Variants in RAI14 observed in about 807,000 individuals in gnomAD.
RAI14 encodes the protein retinoic acid induced 14.
RAI14 carries 45 observed loss-of-function variants against 115.4 expected under a neutral mutation model. The ratio of observed to expected loss-of-function variants is 0.39; its 90% confidence interval spans 0.31 to 0.50. The LOEUF is 0.50. Ranked by LOEUF, RAI14 falls within the 20% of genes least tolerant of loss-of-function variation. The pLI, the probability that RAI14 is intolerant of heterozygous loss-of-function variation, is 0.85. For missense variants in RAI14, 939 were observed against 1,131.2 expected, an observed-to-expected ratio of 0.83 and a Z score of 2.44; for synonymous variants, 371 against 415.4, an observed-to-expected ratio of 0.89 and a Z score of 1.30.
chr5:34,722,961 AT>A (rs1742969647), intron 2 of RAI14, among the ~76,000 whole-genome samples: 1 of 148,926 alleles, frequency 6.7e-6, no homozygotes, highest in South Asian at 2.1e-4. Context: ...TTAGCCAGGC[AT>A]GGTGGTATGC....
chr5:34,784,049 ACTC>A (rs1288515186), intron 3 of RAI14, among the ~76,000 whole-genome samples: 2 of 152,144 alleles, frequency 1.3e-5, no homozygotes, highest in African/African-American at 2.4e-5. Flanking sequence ...TCGAGGATTA[ACTC>A]CTCCTGGAAA....
intron 2 of RAI14, among the ~76,000 whole-genome samples, chr5:34,713,291 A>G (rs969936530): frequency 2.6e-5 from 4 of 152,170 alleles, no homozygotes; most frequent in Non-Finnish European, 2.9e-5. Flanking sequence ...AAAGAAGACA[A>G]TTGTCACACC....
At chr5:34,733,440 G>A (rs1194189613) in intron 2 of RAI14, among the ~76,000 whole-genome samples, 1 of 152,084 alleles carries the variant, frequency 6.6e-6, no homozygotes, top group Non-Finnish European at 1.5e-5. Context: ...CATTTGAAAG[G>A]GTCTTTATTT....
intron 14 of RAI14, among the ~76,000 whole-genome samples, 163 bp from the exon 15 acceptor site, chr5:34,822,793 C>T (rs35282321): frequency 2.0e-5 from 3 of 147,472 alleles, no homozygotes; most frequent in African/African-American, 7.5e-5. Context: ...ACGCCATTCT[C>T]TTGCCTCAGC....
chr5:34,702,279 C>T (rs1740172772), intron 2 of RAI14, among the ~76,000 whole-genome samples: 1 of 152,232 alleles, frequency 6.6e-6, no homozygotes, highest in African/African-American at 2.4e-5. Context: ...AAACAAGTCT[C>T]AATTCCAGCT....
chr5:34,736,786 A>C (rs1744933545), intron 2 of RAI14, among the ~76,000 whole-genome samples: 2 of 152,232 alleles, frequency 1.3e-5, no homozygotes, highest in African/African-American at 4.8e-5. Context: ...TTTCTTTGTA[A>C]GAATGATCTT....
At chr5:34,748,935 A>T (rs1746654984) in intron 2 of RAI14, among the ~76,000 whole-genome samples, 1 of 152,220 alleles carries the variant, frequency 6.6e-6, no homozygotes, top group South Asian at 2.1e-4. Flanking sequence ...ACAGCTATAG[A>T]ATCTTCTTTA....
chr5:34,811,759 T>G lies in RAI14; in HGVS notation c.558-8T>G. ...TAGTACTAATTTTGTGTCTCTTTTT[T>G]CCTTTAGAACTGCTCTCATGCTGGC... On this transcript the variant is annotated splice_polypyrimidine_tract_variant and splice_region_variant and intron_variant, in intron 8 of 17. Coordinates refer to ENST00000265109, the MANE Select transcript of RAI14 (RefSeq NM_015577.3). 1 of 1,599,996 alleles carries G rather than the reference T, an allele frequency of 6.3e-7. No individual in the cohort carries two copies. Among genetic ancestry groups the G allele is most frequent in the Non-Finnish European group, 8.5e-7 (1 of 1,176,618 alleles).
At chr5:34,719,004 T>C (rs988307155) in intron 2 of RAI14, among the ~76,000 whole-genome samples, 15 of 152,248 alleles carry the variant, frequency 9.9e-5, no homozygotes, top group African/African-American at 3.6e-4. Context: ...ATGTTCTAGT[T>C]AGTAGAGCTA....
intron 2 of RAI14, among the ~76,000 whole-genome samples, chr5:34,753,017 T>G (rs6893700): frequency 0.27 from 40,353 of 151,770 alleles, 6,091 homozygotes; most frequent in African/African-American, 0.42. Flanking sequence ...TTAAAGGTGG[T>G]ACATCTGATG....
intron 5 of RAI14, 49 bp from the exon 6 acceptor site, chr5:34,807,751 T>A: frequency 7.3e-7 from 1 of 1,378,254 alleles, no homozygotes; most frequent in African/African-American, 1.4e-5. Context: ...CTGAATAGAA[T>A]TGGGGCAGGG....
intron 2 of RAI14, among the ~76,000 whole-genome samples, chr5:34,688,922 C>T (rs1388202629): frequency 1.3e-5 from 2 of 151,938 alleles, no homozygotes; most frequent in Non-Finnish European, 2.9e-5. Context: ...TGCCACAAAT[C>T]TTATGTGGTG....
intron 16 of RAI14, among the ~76,000 whole-genome samples, chr5:34,828,660 T>A (rs1757700067): frequency 6.6e-6 from 1 of 152,170 alleles, no homozygotes; most frequent in African/African-American, 2.4e-5. Flanking sequence ...TGGTCTCAAT[T>A]TTCATGATGA....
At chr5:34,821,197 C>T (rs868006972) in intron 13 of RAI14, among the ~76,000 whole-genome samples, 1 of 152,242 alleles carries the variant, frequency 6.6e-6, no homozygotes, top group South Asian at 2.1e-4. Flanking sequence ...AGAGGAATGA[C>T]CCAATCAAAG....
intron 2 of RAI14, among the ~76,000 whole-genome samples, chr5:34,732,031 C>T (rs115047556): frequency 1.3e-5 from 2 of 152,162 alleles, no homozygotes; most frequent in Non-Finnish European, 2.9e-5. Flanking sequence ...AAAGACTCCT[C>T]GGAGATGACC....
intron 2 of RAI14, among the ~76,000 whole-genome samples, chr5:34,707,205 G>A (rs1219817405): frequency 6.6e-6 from 1 of 152,186 alleles, no homozygotes; most frequent in Non-Finnish European, 1.5e-5. Flanking sequence ...GGTGGCTCAC[G>A]CCTGTAATCC....
intron 12 of RAI14, among the ~76,000 whole-genome samples, chr5:34,817,838 T>C (rs1756435072): frequency 6.6e-6 from 1 of 152,204 alleles, no homozygotes; most frequent in Non-Finnish European, 1.5e-5. Context: ...CTGGTTGTAA[T>C]GAAGCATGAA....
At chr5:34,744,469 G>A (rs1302425704) in intron 2 of RAI14, among the ~76,000 whole-genome samples, 1 of 152,142 alleles carries the variant, frequency 6.6e-6, no homozygotes, top group Non-Finnish European at 1.5e-5. Context: ...GATACCAGCA[G>A]ACTGAGGTCT....
chr5:34,798,994 C>T (rs467826), intron 4 of RAI14, among the ~76,000 whole-genome samples: 137,939 of 152,130 alleles, frequency 0.91, 63,338 homozygotes, highest in Non-Finnish European at 0.99. Context: ...TTTATTTTGG[C>T]CTGAAGGAGG....
Sources: allele counts gnomAD v4.1 joint callset (sites outside exome capture counted in the v4.1 genomes callset), GRCh38; gene constraint gnomAD v4.1.1; transcripts MANE v1.5; gene names NCBI Gene and HGNC (gene_info 2026-07-23, HGNC 2026-07-21).